The following NTRK3 variants were observed in gnomAD, a reference collection of about 807,000 sequenced individuals.
The protein encoded by NTRK3 is neurotrophic receptor tyrosine kinase 3.
NTRK3 carries 24 observed loss-of-function variants against 91.7 expected under a neutral mutation model. The observed-to-expected ratio is 0.26, with a 90% CI of 0.19 to 0.37. The LOEUF is 0.37. NTRK3 is among the 10% of genes least tolerant of loss of function. The probability of loss-of-function intolerance (pLI) is 1.00; values close to 1 mark genes in which losing one functional copy is unlikely to be tolerated. For missense variants in NTRK3, 880 were observed against 1,068.9 expected (o/e 0.82, Z 2.46); for synonymous variants, 483 against 404.0 (o/e 1.20, Z -2.34).
At position 88,237,161 on chromosome 15, in the gene NTRK3, C is replaced by G. The variant is rs1030530188; in HGVS notation, c.248+18745G>C. Among the ~76,000 whole-genome samples, 3 of 152,036 alleles carry G rather than the reference C, an allele frequency of 2.0e-5. No homozygotes were observed. The highest frequency in any genetic ancestry group is 2.0e-4 in the Admixed American group (3 of 15,262). ...GTTAAGGAGTGGATAGAGGGCTGGACAGATGGATAGAGGATGTGATAAAGA... is the reference window on the plus strand; with the variant it reads ...GTTAAGGAGTGGATAGAGGGCTGGAGAGATGGATAGAGGATGTGATAAAGA... On this transcript the variant is annotated intron_variant, in intron 3 of 18. Transcript: ENST00000394480. This position sits in a 1 kb window ranked among gnomAD's most constrained non-coding sequence, Gnocchi z 4.0.
At chr15:87,989,690 T>C (rs529068397) in intron 14 of NTRK3, among the ~76,000 whole-genome samples, 1 of 151,500 alleles carries the variant, frequency 6.6e-6, no homozygotes, top group Non-Finnish European at 1.5e-5. Flanking sequence ...GATCTAGTGC[T>C]GACACGAAAA....
intron 3 of NTRK3, among the ~76,000 whole-genome samples, chr15:88,227,410 T>A (rs903690648): frequency 6.6e-6 from 1 of 152,164 alleles, no homozygotes; most frequent in Non-Finnish European, 1.5e-5. Context: ...AAAGAGGTAA[T>A]TAAGATACAA....
chr15:88,238,640 A>G (rs75380105), intron 3 of NTRK3, among the ~76,000 whole-genome samples: 2,984 of 152,316 alleles, frequency 0.02, 84 homozygotes, highest in African/African-American at 0.066. Flanking sequence ...ACGTGTATAT[A>G]TGGTATGTCA....
intron 17 of NTRK3, among the ~76,000 whole-genome samples, chr15:87,896,886 A>T (rs2066157380): frequency 6.6e-6 from 1 of 152,156 alleles, no homozygotes; most frequent in Non-Finnish European, 1.5e-5. Context: ...ACAGACTATT[A>T]TCTAGCTTCT....
exon 19 of NTRK3, chr15:87,874,854 T>C: frequency 4.3e-6 from 1 of 231,208 alleles, no homozygotes; most frequent in Non-Finnish European, 8.6e-6. Flanking sequence ...TTCCTTGAGG[T>C]GGTCAATCCA....
intron 17 of NTRK3, among the ~76,000 whole-genome samples, chr15:87,893,750 G>A (rs1437557325): frequency 2.6e-5 from 4 of 152,134 alleles, no homozygotes; most frequent in African/African-American, 7.2e-5. Flanking sequence ...ACACAACTCC[G>A]ATGAGGCATA....
At chr15:88,087,791 G>A (rs973660327) in intron 13 of NTRK3, among the ~76,000 whole-genome samples, 5 of 152,204 alleles carry the variant, frequency 3.3e-5, no homozygotes, top group African/African-American at 9.6e-5. Context: ...GCTCATGCCT[G>A]TAATCCCAGC....
intron 14 of NTRK3, among the ~76,000 whole-genome samples, chr15:88,018,894 G>A (rs1011803483): frequency 6.6e-6 from 1 of 151,980 alleles, no homozygotes; most frequent in Non-Finnish European, 1.5e-5. Context: ...AAATGTTAAT[G>A]CATTTCTTTA....
intron 15 of NTRK3, among the ~76,000 whole-genome samples, chr15:87,935,878 T>C (rs10400823): frequency 0.023 from 3,449 of 152,318 alleles, 126 homozygotes; most frequent in African/African-American, 0.079. Flanking sequence ...TTACTTTCAG[T>C]CTTCTACATC....
intron 14 of NTRK3, among the ~76,000 whole-genome samples, chr15:87,999,144 C>T (rs1276349243): frequency 1.3e-5 from 2 of 152,190 alleles, no homozygotes; most frequent in Non-Finnish European, 2.9e-5. Flanking sequence ...AAGCCACTGA[C>T]TTGCATCACA....
At chr15:87,953,011 G>A (rs1426593041) in intron 14 of NTRK3, among the ~76,000 whole-genome samples, 1 of 152,108 alleles carries the variant, frequency 6.6e-6, no homozygotes, top group Non-Finnish European at 1.5e-5. Context: ...CAAGGCCTCC[G>A]CGATCCTGGA....
chr15:88,169,646 T>G (rs2151493375), intron 5 of NTRK3, among the ~76,000 whole-genome samples: 1 of 152,298 alleles, frequency 6.6e-6, no homozygotes, highest in Non-Finnish European at 1.5e-5. Context: ...TACACTGACT[T>G]TGGGGCCACA....
At chr15:88,208,843 G>A (rs145476474) in intron 3 of NTRK3, among the ~76,000 whole-genome samples, 138 of 152,270 alleles carry the variant, frequency 9.1e-4, no homozygotes, top group African/African-American at 2.7e-3. Flanking sequence ...CAATTTCATT[G>A]GTCTGCAGTA....
chr15:88,248,592 C>T (rs1326749586), intron 3 of NTRK3, among the ~76,000 whole-genome samples: 1 of 152,058 alleles, frequency 6.6e-6, no homozygotes, highest in Non-Finnish European at 1.5e-5. Context: ...TGCAAAAGAG[C>T]ATAGGCAGTA....
intron 14 of NTRK3, among the ~76,000 whole-genome samples, chr15:87,955,577 A>G (rs1006876292): frequency 8.5e-5 from 13 of 152,242 alleles, no homozygotes; most frequent in Non-Finnish European, 5.9e-5. Context: ...ATGGGACTGC[A>G]GCGAGTTAGT....
exon 19 of NTRK3, chr15:87,876,119 G>C: frequency 4.3e-6 from 1 of 232,550 alleles, no homozygotes; most frequent in Non-Finnish European, 8.5e-6. Flanking sequence ...AGAAAGTCCA[G>C]TTCTTTAAGT....
chr15:88,009,173 T>G (rs2076697121), intron 14 of NTRK3, among the ~76,000 whole-genome samples: 1 of 152,228 alleles, frequency 6.6e-6, no homozygotes, highest in African/African-American at 2.4e-5. Flanking sequence ...AATTTCATAT[T>G]GCTTAAAACT....
At chr15:88,181,508 G>C (rs1212175049) in intron 5 of NTRK3, among the ~76,000 whole-genome samples, 1 of 152,114 alleles carries the variant, frequency 6.6e-6, no homozygotes, top group African/African-American at 2.4e-5. Flanking sequence ...AAGAGCTGCA[G>C]GGACACCGTG....
chr15:87,886,944 T>C (rs540989675), intron 17 of NTRK3, among the ~76,000 whole-genome samples: 2 of 152,044 alleles, frequency 1.3e-5, no homozygotes, highest in South Asian at 4.2e-4. Context: ...GACTGGTTTA[T>C]TGCACTTGGT....
Sources: gnomAD v4.1 joint callset for allele counts (sites outside exome capture counted in the v4.1 genomes callset) on GRCh38, gnomAD v4.1.1 for gene constraint, Gnocchi (gnomAD v3.1) non-coding constraint, MANE v1.5 for transcripts, NCBI Gene and HGNC (gene_info 2026-07-23, HGNC 2026-07-21) for gene names.